The following CFAP97D2 variants were observed in gnomAD, a reference collection of about 807,000 sequenced individuals.
CFAP97D2 encodes uncharacterized protein CFAP97D2.
intron 1 of CFAP97D2, among the ~76,000 whole-genome samples, chr13:114,192,044 C>T (rs1167666245): frequency 9.6e-6 from 1 of 103,714 alleles, no homozygotes; most frequent in Non-Finnish European, 1.8e-5. Flanking sequence ...ACTATGGAGA[C>T]AGTAAAAAGA....
Position 114,179,436 on chromosome 13 carries a change from A to G in CFAP97D2, c.90+16A>G, listed in dbSNP as rs180929218. 61 of 398,600 alleles carry G rather than the reference A, an allele frequency of 1.5e-4. No individual in the cohort carries two copies. The highest frequency in any genetic ancestry group is 6.3e-4 in the Middle Eastern group (1 of 1,588). The allele number at this position is 398,600 out of a possible 1,614,324, so 24.7% of individuals were successfully genotyped here. On this transcript the variant is annotated intron_variant, in intron 1 of 4. Coordinates refer to ENST00000646158, the Ensembl canonical transcript of CFAP97D2. This position sits in a 1 kb window ranked among gnomAD's most constrained non-coding sequence, Gnocchi z 4.8. ...CAGGAGAAAGGTAGGAAAGTCCCCA[A>G]TCCAGCCCTGACAGCTCAGCGGGCG...
At chr13:114,182,417 A>G (rs984785227) in intron 1 of CFAP97D2, among the ~76,000 whole-genome samples, 1 of 151,766 alleles carries the variant, frequency 6.6e-6, no homozygotes, top group African/African-American at 2.4e-5. Flanking sequence ...CAGGCAGGAG[A>G]CAGTGGCCTT....
chr13:114,209,077 G>A (rs7323176), intron 3 of CFAP97D2, among the ~76,000 whole-genome samples: 9,935 of 152,218 alleles, frequency 0.065, 556 homozygotes, highest in African/African-American at 0.13. Context: ...GCCAGCTACC[G>A]ATTACTCATG....
chr13:114,222,524 G>A (rs2081025979), downstream of CFAP97D2: 2 of 398,432 alleles, frequency 5.0e-6, no homozygotes, highest in African/African-American at 2.1e-5. The surrounding 1 kb of genome is among the most constrained non-coding windows in gnomAD (Gnocchi z 4.4). Flanking sequence ...ATTAGCAAGC[G>A]CACAGCCAAG....
intron 1 of CFAP97D2, among the ~76,000 whole-genome samples, chr13:114,190,243 C>T (rs751128256): frequency 3.3e-5 from 5 of 152,104 alleles, no homozygotes; most frequent in Non-Finnish European, 7.4e-5. Flanking sequence ...AGGCACTCAC[C>T]ACTCCTCTCA....
intron 4 of CFAP97D2, chr13:114,215,962 C>A (rs1439359477): frequency 3.3e-5 from 5 of 152,242 alleles, no homozygotes; most frequent in Non-Finnish European, 5.9e-5. Flanking sequence ...ATGTCAAAGT[C>A]AAACCTGCAG....
In CFAP97D2 at chr13:114,207,453, C is replaced by T. The variant is rs540926198; in HGVS notation, c.291-4459C>T. On this transcript the variant is annotated intron_variant, in intron 3 of 4. Coordinates refer to ENST00000646158, the Ensembl canonical transcript of CFAP97D2. This position sits in a 1 kb window ranked among gnomAD's most constrained non-coding sequence, Gnocchi z 4.9. ...GTCCCATCTAGGGATCGTGTGGAGA[C>T]AGTGACAGATCATCAGGCATTAGAT... is the stretch of plus-strand genomic sequence containing the variant. Among the ~76,000 whole-genome samples the T allele has an allele frequency of 7.9e-5, 12 of 152,166 alleles. No homozygotes were observed. Among genetic ancestry groups the T allele is most frequent in the African/African-American group, 2.7e-4 (11 of 41,506 alleles).
chr13:114,193,906 A>G (rs1379144874), intron 1 of CFAP97D2, among the ~76,000 whole-genome samples: 1 of 152,226 alleles, frequency 6.6e-6, no homozygotes, highest in Non-Finnish European at 1.5e-5. Flanking sequence ...TGCTGGGATT[A>G]CAGGTGTGAA....
chr13:114,204,538 T>A (rs2080931235), intron 3 of CFAP97D2, among the ~76,000 whole-genome samples: 1 of 152,200 alleles, frequency 6.6e-6, no homozygotes, highest in Non-Finnish European at 1.5e-5. Flanking sequence ...CATGTGTCTA[T>A]AATCAATGTA....
rs562279513 is a variant in CFAP97D2, at chr13:114,182,414, G to C, written c.90+2994G>C. 1.2e-3 allele frequency among the ~76,000 whole-genome samples: 188 copies of C among 152,040 alleles called. No individual in the cohort carries two copies. The Middle Eastern group carries it at 0.017, about 14-fold the overall frequency. ...ACATTCAGTTCCCAGGGGCAGGCAG[G>C]AGACAGTGGCCTTCCTCTATCTCAA... is the stretch of plus-strand genomic sequence containing the variant. On this transcript the variant is annotated intron_variant, in intron 1 of 4. Transcript: ENST00000646158.
intron 1 of CFAP97D2, among the ~76,000 whole-genome samples, chr13:114,182,066 G>A (rs924421153): frequency 3.9e-5 from 6 of 151,972 alleles, no homozygotes; most frequent in South Asian, 2.1e-4. Flanking sequence ...CACCAGCACC[G>A]GTCTCTGAGT....
At chr13:114,195,245 C>G (rs1034227826) in intron 1 of CFAP97D2, among the ~76,000 whole-genome samples, 1 of 152,252 alleles carries the variant, frequency 6.6e-6, no homozygotes, top group Non-Finnish European at 1.5e-5. Flanking sequence ...AAAAAGTGAC[C>G]ATGTGACCAT....
rs1425259318 is a variant in CFAP97D2 at position 114,186,851 on chromosome 13, T to C, written c.90+7431T>C. 6.6e-6 allele frequency among the ~76,000 whole-genome samples: 1 copy of C among 152,136 alleles called. No individual in the cohort carries two copies. Among genetic ancestry groups the C allele is most frequent in the East Asian group, 1.9e-4 (1 of 5,188 alleles). On this transcript the variant is annotated intron_variant, in intron 1 of 4. Transcript: ENST00000646158. This position sits in a 1 kb window ranked among gnomAD's most constrained non-coding sequence, Gnocchi z 4.3. ...CACTCACTCACACACCCCTCGCCACTCCACTCCAGTCTCTTCAGAGGGATG... is the reference window on the plus strand; with the variant it reads ...CACTCACTCACACACCCCTCGCCACCCCACTCCAGTCTCTTCAGAGGGATG...
At chr13:114,182,121 A>G (rs1218028805) in intron 1 of CFAP97D2, among the ~76,000 whole-genome samples, 2 of 150,028 alleles carry the variant, frequency 1.3e-5, no homozygotes, top group Non-Finnish European at 3.0e-5. Flanking sequence ...TTCAGCAAAA[A>G]GGAAAGTAGT....
At chr13:114,195,300 G>A (rs181611689) in intron 1 of CFAP97D2, among the ~76,000 whole-genome samples, 1 of 152,288 alleles carries the variant, frequency 6.6e-6, no homozygotes, top group Non-Finnish European at 1.5e-5. Flanking sequence ...TTCCTTTGGG[G>A]ACCAAGTTGC....
intron 4 of CFAP97D2, among the ~76,000 whole-genome samples, chr13:114,220,707 TAAAC>T (rs1403447277): frequency 6.6e-6 from 1 of 152,192 alleles, no homozygotes; most frequent in East Asian, 1.9e-4. Flanking sequence ...AAGCAAAAAT[TAAAC>T]AAACACAAAT....
At chr13:114,220,526 C>T (rs1238772838) in intron 4 of CFAP97D2, among the ~76,000 whole-genome samples, 1 of 152,176 alleles carries the variant, frequency 6.6e-6, no homozygotes, top group East Asian at 1.9e-4. Context: ...ATCCCTAACT[C>T]CAAAATGAGA....
rs548098622 is a variant in CFAP97D2 at position 114,202,866 on chromosome 13, C to T, written c.290+2423C>T. ...CATTGGTTCCATGCTGGGAGAGTCA[C>T]GCCGAGAAGACCTGTGTGTCCCTCC... On this transcript the variant is annotated intron_variant, in intron 3 of 4. Transcript: ENST00000646158. 6.7e-4 allele frequency among the ~76,000 whole-genome samples: 102 copies of T among 152,234 alleles called. 2 individuals are homozygous for T. In the South Asian group the frequency reaches 0.021, roughly 31 times the overall value.
rs1384683365 is a variant in CFAP97D2, at chr13:114,203,660, C to T, written c.290+3217C>T. Among the ~76,000 whole-genome samples the T allele has an allele frequency of 6.6e-6, 1 of 152,202 alleles. No individual in the cohort carries two copies. The highest frequency in any genetic ancestry group is 2.4e-5 in the African/African-American group (1 of 41,446). On this transcript the variant is annotated intron_variant, in intron 3 of 4. Transcript: ENST00000646158. The surrounding 1 kb of genome is among the most constrained non-coding windows in gnomAD (Gnocchi z 4.3). The stretch of plus-strand genomic sequence containing the variant: ...GCAAAGTGAGATGGAGTCCTGCTAA[C>T]AGGCTCCCACCTCACAAATGGAATC...
Sources: allele counts gnomAD v4.1 joint callset (sites outside exome capture counted in the v4.1 genomes callset), GRCh38; gene constraint gnomAD v4.1.1; non-coding constraint Gnocchi (gnomAD v3.1); transcripts MANE v1.5; gene names NCBI Gene and HGNC (gene_info 2026-07-23, HGNC 2026-07-21).